The following C7orf57 variants were observed in gnomAD, a reference collection of about 807,000 sequenced individuals.
C7orf57 encodes the protein chromosome 7 open reading frame 57.
In C7orf57, 33 loss-of-function variants were observed where a neutral mutation model predicts 39.0. That is an observed-to-expected ratio of 0.85 (90% CI 0.64 to 1.13). C7orf57 has a LOEUF of 1.13. C7orf57 is among the 50% of genes most tolerant of loss of function. The probability of loss-of-function intolerance (pLI) is 0.00; values close to 1 mark genes in which losing one functional copy is unlikely to be tolerated. For missense variants in C7orf57, 346 were observed against 362.3 expected, an observed-to-expected ratio of 0.95 and a Z score of 0.37; for synonymous variants, 124 against 137.1, an observed-to-expected ratio of 0.90 and a Z score of 0.67.
At chr7:48,041,004 A>G (rs544884417) in intron 2 of C7orf57, among the ~76,000 whole-genome samples, 1 of 152,178 alleles carries the variant, frequency 6.6e-6, no homozygotes, top group East Asian at 1.9e-4. Flanking sequence ...ATTTTTATGG[A>G]GGATTAGGAG....
Position 48,051,743 on chromosome 7 carries a change from CTTTT to C in C7orf57, c.606-955_606-952del, listed in dbSNP as rs768839910. On this transcript the variant is annotated intron_variant, in intron 6 of 8. Coordinates refer to ENST00000348904, the MANE Select transcript of C7orf57 (RefSeq NM_001100159.3). ...CTTTCTTTCTCTTTTTCTTTTCTTT[CTTTT>C]TCTTTTCTTTCTTTCTTTCTTTCTT... 3.6e-4 allele frequency among the ~76,000 whole-genome samples: 17 copies of C among 47,464 alleles called. 1 individual carries two copies. The highest frequency in any genetic ancestry group is 9.0e-4 in the African/African-American group (16 of 17,832). The allele number at this position is 47,464 out of a possible 152,430, so 31.1% of individuals were successfully genotyped here.
At chr7:48,049,635 C>T (rs1219027150) in intron 5 of C7orf57, among the ~76,000 whole-genome samples, 1 of 152,090 alleles carries the variant, frequency 6.6e-6, no homozygotes, top group Non-Finnish European at 1.5e-5. Context: ...ATTGTTTTTC[C>T]TCCTGAGCAG....
chr7:48,053,074 T>A (rs1159434686), intron 7 of C7orf57, 151 bp downstream of exon 7: 5 of 716,924 alleles, frequency 7.0e-6, no homozygotes, highest in Non-Finnish European at 1.3e-5. Context: ...AGGTTACAGA[T>A]AAGCAAGAGA....
intron 4 of C7orf57, among the ~76,000 whole-genome samples, chr7:48,043,999 C>G (rs1379710568): frequency 6.6e-6 from 1 of 152,182 alleles, no homozygotes; most frequent in East Asian, 1.9e-4. Flanking sequence ...GAACCTTGGG[C>G]CATGCATGAG....
At chr7:48,038,736 T>C (rs906507593) in intron 2 of C7orf57, among the ~76,000 whole-genome samples, 4 of 152,146 alleles carry the variant, frequency 2.6e-5, no homozygotes, top group Admixed American at 1.3e-4. Context: ...GTGCCCAAGA[T>C]GGTTGAGTCA....
chr7:48,046,427 GCA>G (rs753841415), intron 4 of C7orf57, 31 bp from the exon 5 acceptor site: 1 of 1,596,660 alleles, frequency 6.3e-7, no homozygotes, highest in African/African-American at 1.3e-5. Flanking sequence ...ATGGCTCTGA[GCA>G]CCAGGCTGTA....
At chr7:48,059,404 G>A (rs34803624) in intron 8 of C7orf57, among the ~76,000 whole-genome samples, 46,527 of 152,108 alleles carry the variant, frequency 0.31, 7,734 homozygotes, top group Middle Eastern at 0.54. Context: ...GGCCTGGAGT[G>A]TAGCGGTGCC....
chr7:48,047,308 T>C (rs1223975590), intron 5 of C7orf57, among the ~76,000 whole-genome samples: 3 of 152,206 alleles, frequency 2.0e-5, no homozygotes, highest in Non-Finnish European at 4.4e-5. Flanking sequence ...TTCTTGCAAC[T>C]TCAGGGTTTG....
intron 2 of C7orf57, among the ~76,000 whole-genome samples, chr7:48,040,074 T>C (rs1790502858): frequency 6.6e-6 from 1 of 152,166 alleles, no homozygotes. Context: ...CAATAAACAC[T>C]GATAACTCCA....
intron 6 of C7orf57, among the ~76,000 whole-genome samples, chr7:48,051,623 C>T (rs1344426776): frequency 6.6e-6 from 1 of 151,454 alleles, no homozygotes; most frequent in Non-Finnish European, 1.5e-5. Context: ...CAGGTATGAG[C>T]TACTGTGCCC....
At chr7:48,039,659 C>G (rs183874476) in intron 2 of C7orf57, among the ~76,000 whole-genome samples, 285 of 152,248 alleles carry the variant, frequency 1.9e-3, no homozygotes, top group African/African-American at 6.6e-3. Context: ...AATGCTTTAC[C>G]AATATCTGAG....
At chr7:48,045,829 C>T (rs916769479) in intron 4 of C7orf57, among the ~76,000 whole-genome samples, 1 of 152,076 alleles carries the variant, frequency 6.6e-6, no homozygotes, top group African/African-American at 2.4e-5. Context: ...CCTGTGTGCG[C>T]TGCCTATATG....
intron 8 of C7orf57, 61 bp from the exon 9 acceptor site, chr7:48,060,165 T>C (rs1313036763): frequency 3.7e-6 from 4 of 1,074,668 alleles, no homozygotes; most frequent in Non-Finnish European, 4.1e-6. Flanking sequence ...TTAAAATTAA[T>C]GTTTTTTAAT....
At chr7:48,042,052 T>C (rs1304864065) in intron 3 of C7orf57, among the ~76,000 whole-genome samples, 1 of 152,242 alleles carries the variant, frequency 6.6e-6, no homozygotes, top group Non-Finnish European at 1.5e-5. Context: ...AACTAAGTTA[T>C]TTGAGCTCAA....
At chr7:48,054,514 TA>T in intron 7 of C7orf57, 80 bp from the exon 8 acceptor site, 1 of 1,220,442 alleles carries the variant, frequency 8.2e-7, no homozygotes, top group Non-Finnish European at 1.2e-6. Flanking sequence ...GAATTTTCAT[TA>T]AATCTTTAAG....
In C7orf57 at chr7:48,052,841, G is replaced by C; in HGVS notation, c.747G>C (p.Gln249His). The change falls in exon 7 of 9, where the codon CAG (glutamine) becomes CAC (histidine). Residue 249 changes from glutamine (Q) to histidine (H), a missense_variant. Gln to His is a conservative substitution (Grantham distance 24). Transcript: ENST00000348904. ...CCTCCAGGGCATCAGTGTTATCTCA[G>C]TCCCCACGAGACCTGGAAGGTCCCC... The part of the protein sequence containing the change: ...PKTSRASVLS[Q>H]SPRDLEGPQD... 1 of 1,614,036 alleles carries C rather than the reference G, an allele frequency of 6.2e-7. No individual in the cohort carries two copies. The highest frequency in any genetic ancestry group is 8.5e-7 in the Non-Finnish European group (1 of 1,179,902).
intron 2 of C7orf57, among the ~76,000 whole-genome samples, chr7:48,038,383 T>TATATATATATATATAGATAG (rs148010398): frequency 1.1e-4 from 16 of 150,130 alleles, no homozygotes; most frequent in Non-Finnish European, 1.5e-4. Flanking sequence ...TCTATATACA[T>TATATATATATATATAGATAG]ATAGATAGAT....
At chr7:48,051,347 A>ATTTTTTTTT (rs71006546) in intron 6 of C7orf57, among the ~76,000 whole-genome samples, 15 of 69,770 alleles carry the variant, frequency 2.1e-4, no homozygotes, top group African/African-American at 5.4e-4. Flanking sequence ...CAGCTGGCTA[A>ATTTTTTTTT]TTTTTTTTTT....
rs371928714 is a variant in C7orf57, at chr7:48,049,912, G to C, written c.540G>C (p.Leu180=). 3.7e-5 allele frequency: 60 copies of C among 1,613,646 alleles called. No homozygotes were observed. The highest frequency in any genetic ancestry group is 4.9e-5 in the Non-Finnish European group (58 of 1,179,764). The stretch of plus-strand genomic sequence containing the variant: ...TACCGGCCATTGACTCAAAGTATCT[G>C]AGCAAAGCAGGCACCCCACTTGGCC... The part of the protein sequence containing the change: ...LRLPAIDSKY[L]SKAGTPLGPK... Residue 180 remains leucine (L), a synonymous_variant, in exon 6 of 9, where the codon CTG becomes CTC. Transcript: ENST00000348904.
Sources: allele counts gnomAD v4.1 joint callset (sites outside exome capture counted in the v4.1 genomes callset), GRCh38; gene constraint gnomAD v4.1.1; transcripts MANE v1.5; gene names NCBI Gene and HGNC (gene_info 2026-07-23, HGNC 2026-07-21).